PIP4K2A: variants seen among roughly 807,000 people sequenced by gnomAD.
PIP4K2A encodes the protein phosphatidylinositol-5-phosphate 4-kinase type 2 alpha.
A neutral mutation model predicts 42.9 loss-of-function variants in PIP4K2A; 14 were observed. The ratio of observed to expected loss-of-function variants is 0.33; its 90% CI spans 0.22 to 0.51. PIP4K2A has a LOEUF of 0.51. PIP4K2A is among the 20% of genes least tolerant of loss of function. The pLI is 0.97. For missense variants in PIP4K2A, 434 were observed against 519.8 expected, an observed-to-expected ratio of 0.83 and a Z score of 1.61; for synonymous variants, 192 against 192.2, an observed-to-expected ratio of 1.00 and a Z score of 0.01.
At chr10:22,688,247 T>C (rs1328564390) in intron 1 of PIP4K2A, among the ~76,000 whole-genome samples, 2 of 152,110 alleles carry the variant, frequency 1.3e-5, no homozygotes, top group Admixed American at 1.3e-4. Context: ...AAAAGAAAAC[T>C]GGTAACACTG....
intron 6 of PIP4K2A, among the ~76,000 whole-genome samples, chr10:22,557,637 T>C (rs1836585229): frequency 2.0e-5 from 3 of 152,332 alleles, no homozygotes; most frequent in Middle Eastern, 3.4e-3. Flanking sequence ...TTTAAAAAAC[T>C]ATCTTTCAGA....
chr10:22,588,758 ATAT>A (rs1400830066), intron 4 of PIP4K2A, among the ~76,000 whole-genome samples: 1 of 152,180 alleles, frequency 6.6e-6, no homozygotes, highest in East Asian at 1.9e-4. Flanking sequence ...TAAATAATTT[ATAT>A]TAATAATGTG....
At chr10:22,570,317 G>A (rs1171209393) in intron 5 of PIP4K2A, among the ~76,000 whole-genome samples, 1 of 152,224 alleles carries the variant, frequency 6.6e-6, no homozygotes, top group Admixed American at 6.5e-5. Context: ...CTTACACAAG[G>A]TTAACAAGTC....
chr10:22,635,051 A>G (rs1327075730), intron 1 of PIP4K2A, among the ~76,000 whole-genome samples: 4 of 152,172 alleles, frequency 2.6e-5, no homozygotes, highest in Non-Finnish European at 5.9e-5. Context: ...CAACAGAAAC[A>G]GTGAGGTGAG....
At chr10:22,648,704 A>T (rs1385151871) in intron 1 of PIP4K2A, among the ~76,000 whole-genome samples, 1 of 152,234 alleles carries the variant, frequency 6.6e-6, no homozygotes, top group Admixed American at 6.5e-5. Context: ...TGAAACAGGC[A>T]CATTTCCTTC....
intron 1 of PIP4K2A, among the ~76,000 whole-genome samples, chr10:22,663,485 CAT>C (rs1279342211): frequency 6.6e-6 from 1 of 152,082 alleles, no homozygotes; most frequent in Non-Finnish European, 1.5e-5. Flanking sequence ...AAAAGTAACA[CAT>C]GTTCATTGCA....
intron 1 of PIP4K2A, among the ~76,000 whole-genome samples, chr10:22,673,204 G>A (rs1839489079): frequency 6.6e-6 from 1 of 152,198 alleles, no homozygotes; most frequent in Non-Finnish European, 1.5e-5. Context: ...TGCCAAGGAT[G>A]GTTTGGGTTC....
intron 1 of PIP4K2A, among the ~76,000 whole-genome samples, chr10:22,688,928 C>A (rs562821457): frequency 1.3e-5 from 2 of 152,298 alleles, no homozygotes; most frequent in African/African-American, 4.8e-5. Context: ...AAGGTCTGGG[C>A]TTGTTATAAT....
At chr10:22,689,892 CAA>C (rs2130896621) in intron 1 of PIP4K2A, among the ~76,000 whole-genome samples, 1 of 152,218 alleles carries the variant, frequency 6.6e-6, no homozygotes, top group South Asian at 2.1e-4. Context: ...TTTCATGTCA[CAA>C]AAGACTGATG....
intron 1 of PIP4K2A, among the ~76,000 whole-genome samples, chr10:22,660,253 C>T (rs1839177905): frequency 6.6e-6 from 1 of 152,128 alleles, no homozygotes; most frequent in African/African-American, 2.4e-5. Flanking sequence ...GGCGGATTGC[C>T]TGAGCTCAGG....
chr10:22,659,378 T>C (rs980419538), intron 1 of PIP4K2A, among the ~76,000 whole-genome samples: 4 of 152,174 alleles, frequency 2.6e-5, no homozygotes, highest in Admixed American at 1.3e-4. Flanking sequence ...GCGGATCACC[T>C]GAGCAGGAGT....
intron 1 of PIP4K2A, among the ~76,000 whole-genome samples, chr10:22,686,904 C>G (rs766771882): frequency 6.6e-5 from 10 of 152,110 alleles, no homozygotes; most frequent in Non-Finnish European, 1.3e-4. Context: ...ACGCCAGAAG[C>G]GCATTTAGGG....
At chr10:22,698,302 T>C (rs551702083) in intron 1 of PIP4K2A, among the ~76,000 whole-genome samples, 26 of 152,294 alleles carry the variant, frequency 1.7e-4, no homozygotes, top group African/African-American at 5.3e-4. Flanking sequence ...CTGTTCAATT[T>C]AGAACCCTGA....
At chr10:22,625,037 T>C (rs76347288) in intron 1 of PIP4K2A, among the ~76,000 whole-genome samples, 11,797 of 152,238 alleles carry the variant, frequency 0.077, 884 homozygotes, top group African/African-American at 0.2. Flanking sequence ...TAAAATTTTA[T>C]CATCTGAAAG....
chr10:22,624,407 T>G (rs960925332), intron 1 of PIP4K2A, among the ~76,000 whole-genome samples: 3 of 152,222 alleles, frequency 2.0e-5, no homozygotes, highest in Non-Finnish European at 4.4e-5. Flanking sequence ...ACTCAAGGAT[T>G]AGAATAAATT....
chr10:22,546,901 T>G (rs1334709778), intron 7 of PIP4K2A, among the ~76,000 whole-genome samples: 1 of 152,226 alleles, frequency 6.6e-6, no homozygotes, highest in Admixed American at 6.5e-5. Flanking sequence ...TTTAAGAACA[T>G]AAGATTTCAA....
intron 6 of PIP4K2A, among the ~76,000 whole-genome samples, chr10:22,553,567 T>G (rs1041205309): frequency 3.3e-5 from 5 of 152,192 alleles, no homozygotes; most frequent in Non-Finnish European, 7.3e-5. Flanking sequence ...ACTGAGATCA[T>G]GCAATTTAAC....
chr10:22,589,434 A>T (rs1837463743), intron 4 of PIP4K2A, among the ~76,000 whole-genome samples: 1 of 152,212 alleles, frequency 6.6e-6, no homozygotes, highest in Non-Finnish European at 1.5e-5. Flanking sequence ...AGCAGTGTAG[A>T]ACAAATTTCA....
chr10:22,672,983 G>A (rs1447625014), intron 1 of PIP4K2A, among the ~76,000 whole-genome samples: 4 of 152,162 alleles, frequency 2.6e-5, no homozygotes, highest in African/African-American at 9.7e-5. Context: ...GAGATCCAGT[G>A]ATCTCTCTCA....
Sources: allele counts gnomAD v4.1 joint callset (sites outside exome capture counted in the v4.1 genomes callset), GRCh38; gene constraint gnomAD v4.1.1; transcripts MANE v1.5; gene names NCBI Gene and HGNC (gene_info 2026-07-23, HGNC 2026-07-21).